Variants in SOX5 observed in about 807,000 individuals in gnomAD.
SOX5 encodes the protein transcription factor SOX-5.
A neutral mutation model predicts 92.0 loss-of-function variants in SOX5; 9 were observed. The ratio of observed to expected loss-of-function variants is 0.10; its 90% CI spans 0.06 to 0.17. The LOEUF is 0.17. Ranked by LOEUF, SOX5 falls within the 10% of genes least tolerant of loss-of-function variation. The pLI, the probability that SOX5 is intolerant of heterozygous loss-of-function variation, is 1.00. For missense variants in SOX5, 642 were observed against 944.5 expected, an observed-to-expected ratio of 0.68 and a Z score of 4.20; for synonymous variants, 344 against 336.3, an observed-to-expected ratio of 1.02 and a Z score of -0.25.
chr12:24,024,486 A>T (rs958299505), intron 4 of SOX5, among the ~76,000 whole-genome samples: 3 of 152,084 alleles, frequency 2.0e-5, no homozygotes, highest in African/African-American at 7.2e-5. Context: ...GCTATGTGAC[A>T]GCTATAAAAA....
Position 24,152,274 on chromosome 12 carries a change from G to T in SOX5, c.-2+61069C>A, listed in dbSNP as rs12321751. ...AAAAGCATATTACAGCATTTCACACGTCATTGATTAAAGAGGTATTTTGTC... is the reference window on the plus strand; with the variant it reads ...AAAAGCATATTACAGCATTTCACACTTCATTGATTAAAGAGGTATTTTGTC... On this transcript the variant is annotated intron_variant, in intron 4 of 4. Transcript: ENST00000446891. 5.9e-3 allele frequency among the ~76,000 whole-genome samples: 898 copies of T among 152,208 alleles called. 10 individuals are homozygous for T. Among genetic ancestry groups the T allele is most frequent in the African/African-American group, 0.02 (823 of 41,530 alleles).
intron 2 of SOX5, among the ~76,000 whole-genome samples, chr12:23,880,893 AAACAT>A (rs1181491627): frequency 6.6e-6 from 1 of 152,240 alleles, no homozygotes; most frequent in Non-Finnish European, 1.5e-5. Flanking sequence ...TCTGATATAT[AAACAT>A]AACATTTTTA....
intron 4 of SOX5, among the ~76,000 whole-genome samples, chr12:24,094,668 T>C (rs1390074270): frequency 6.6e-6 from 1 of 152,188 alleles, no homozygotes; most frequent in East Asian, 1.9e-4. Flanking sequence ...GTCACCAGGA[T>C]CTAATTTTAC....
At chr12:23,726,313 T>C (rs1186872984) in intron 6 of SOX5, among the ~76,000 whole-genome samples, 5 of 152,182 alleles carry the variant, frequency 3.3e-5, no homozygotes, top group Non-Finnish European at 7.3e-5. Context: ...TCTTGAATCA[T>C]GACGTAACTG....
At chr12:24,118,018 C>CAA (rs964710930) in intron 4 of SOX5, among the ~76,000 whole-genome samples, 37 of 41,680 alleles carry the variant, frequency 8.9e-4, no homozygotes, top group African/African-American at 1.4e-3. Context: ...GACTCTCATT[C>CAA]AAAAAAAAAA....
chr12:23,557,932 C>T (rs1165293615), intron 11 of SOX5, among the ~76,000 whole-genome samples: 2 of 147,722 alleles, frequency 1.4e-5, no homozygotes, highest in African/African-American at 2.5e-5. Flanking sequence ...GCCAGGATCG[C>T]GCCATTGCAC....
chr12:24,329,002 C>T (rs1951009278), intron 2 of SOX5, among the ~76,000 whole-genome samples: 1 of 152,076 alleles, frequency 6.6e-6, no homozygotes, highest in African/African-American at 2.4e-5. Context: ...GAATTAAGAA[C>T]TAAGGTATGT....
intron 4 of SOX5, among the ~76,000 whole-genome samples, chr12:24,209,757 G>A (rs1176968570): frequency 2.0e-5 from 3 of 151,904 alleles, no homozygotes; most frequent in Non-Finnish European, 2.9e-5. Context: ...GGTGGCTCAC[G>A]CCTGTAATCC....
chr12:24,446,469 G>T (rs1941489990), intron 1 of SOX5, among the ~76,000 whole-genome samples: 1 of 152,178 alleles, frequency 6.6e-6, no homozygotes, highest in Admixed American at 6.5e-5. Context: ...GAAAAAATCA[G>T]CATATGGCTA....
At chr12:24,074,212 A>G (rs1401415801) in intron 4 of SOX5, among the ~76,000 whole-genome samples, 1 of 152,172 alleles carries the variant, frequency 6.6e-6, no homozygotes, top group East Asian at 1.9e-4. Context: ...AGAATCATAT[A>G]CATTTATTTC....
At chr12:24,525,643 G>A (rs762882628) in intron 1 of SOX5, among the ~76,000 whole-genome samples, 4 of 151,856 alleles carry the variant, frequency 2.6e-5, no homozygotes, top group Admixed American at 6.6e-5. Context: ...AGGCCGAGGC[G>A]AATGGATCAC....
chr12:24,494,911 G>T (rs906468018), intron 1 of SOX5, among the ~76,000 whole-genome samples: 1 of 152,014 alleles, frequency 6.6e-6, no homozygotes. Context: ...AGACAACTGG[G>T]GTGCCAATTA....
chr12:23,922,318 A>G (rs1938540490), intron 1 of SOX5, among the ~76,000 whole-genome samples: 6 of 152,266 alleles, frequency 3.9e-5, no homozygotes, highest in Admixed American at 3.3e-4. Flanking sequence ...CATTATCAAT[A>G]TATCATTTAG....
intron 2 of SOX5, among the ~76,000 whole-genome samples, chr12:24,352,195 T>C (rs1954171633): frequency 6.6e-6 from 1 of 152,210 alleles, no homozygotes; most frequent in Admixed American, 6.6e-5. Flanking sequence ...TAACTGGTGT[T>C]TTCACAATAG....
chr12:24,170,265 G>C (rs948103661), intron 4 of SOX5, among the ~76,000 whole-genome samples: 5 of 152,170 alleles, frequency 3.3e-5, no homozygotes, highest in Admixed American at 6.5e-5. Context: ...GGGAACTTGC[G>C]CCACATCTGC....
At chr12:24,242,244 T>C (rs955609723) in intron 3 of SOX5, among the ~76,000 whole-genome samples, 2 of 152,186 alleles carry the variant, frequency 1.3e-5, no homozygotes, top group African/African-American at 2.4e-5. Context: ...TTTTTTGATA[T>C]AGAAGTGGAG....
intron 3 of SOX5, among the ~76,000 whole-genome samples, chr12:23,795,540 A>C (rs1043019565): frequency 1.1e-4 from 16 of 152,234 alleles, no homozygotes; most frequent in African/African-American, 3.4e-4. Context: ...ATCGAGCCAA[A>C]TGTGAGGGTG....
At chr12:23,993,037 G>A (rs1213394622) in intron 4 of SOX5, among the ~76,000 whole-genome samples, 1 of 152,162 alleles carries the variant, frequency 6.6e-6, no homozygotes, top group Non-Finnish European at 1.5e-5. Flanking sequence ...ACTCTACTCA[G>A]AAGATTGAGA....
chr12:24,239,181 C>T (rs2140040726), intron 3 of SOX5, among the ~76,000 whole-genome samples: 1 of 152,306 alleles, frequency 6.6e-6, no homozygotes, highest in Middle Eastern at 3.4e-3. Context: ...TGGATTACTG[C>T]ACTCTACTCA....
Sources: gnomAD v4.1 joint callset for allele counts (sites outside exome capture counted in the v4.1 genomes callset) on GRCh38, gnomAD v4.1.1 for gene constraint, MANE v1.5 for transcripts, NCBI Gene and HGNC (gene_info 2026-07-23, HGNC 2026-07-21) for gene names.